PTAFR: variants seen among roughly 807,000 people sequenced by gnomAD.
The protein encoded by PTAFR is platelet-activating factor receptor.
Under a neutral mutation model 14.7 loss-of-function variants are expected in PTAFR, and 8 were observed. That is an observed-to-expected ratio of 0.54 (90% CI 0.32 to 0.98). The LOEUF is 0.98. PTAFR is among the 50% of genes least tolerant of loss of function. The probability of loss-of-function intolerance (pLI) is 0.04; values close to 1 mark genes in which losing one functional copy is unlikely to be tolerated. For synonymous variants in PTAFR, 156 were observed against 176.5 expected, an observed-to-expected ratio of 0.88 and a Z score of 0.92; for missense variants, 337 against 451.2, an observed-to-expected ratio of 0.75 and a Z score of 2.29.
intron 1 of PTAFR, among the ~76,000 whole-genome samples, chr1:28,161,492 G>A (rs1646322827): frequency 6.6e-6 from 1 of 152,176 alleles, no homozygotes; most frequent in South Asian, 2.1e-4. Context: ...TGAAGATAGG[G>A]TAGATGGCTT....
upstream of PTAFR, among the ~76,000 whole-genome samples, chr1:28,180,274 G>A (rs1416124045): frequency 6.6e-6 from 1 of 152,178 alleles, no homozygotes; most frequent in Non-Finnish European, 1.5e-5. Flanking sequence ...CAACTACCCG[G>A]GAGGCTGAGG....
intron 1 of PTAFR, among the ~76,000 whole-genome samples, chr1:28,168,266 C>A (rs1572039436): frequency 6.6e-6 from 1 of 151,868 alleles, no homozygotes; most frequent in Non-Finnish European, 1.5e-5. Context: ...CCACCGCGCC[C>A]GGCAGAAAAC....
chr1:28,177,666 A>T (rs1353680211), upstream of PTAFR, among the ~76,000 whole-genome samples: 1 of 151,910 alleles, frequency 6.6e-6, no homozygotes, highest in Non-Finnish European at 1.5e-5. Flanking sequence ...GAGGTCCTTT[A>T]ATCTATTCCT....
intron 1 of PTAFR, among the ~76,000 whole-genome samples, chr1:28,171,828 C>T (rs1184020078): frequency 1.3e-5 from 2 of 152,160 alleles, no homozygotes; most frequent in South Asian, 2.1e-4. Context: ...GCCTAGGAAA[C>T]CCCAAGTCTG....
chr1:28,166,410 G>A (rs1056140991), intron 1 of PTAFR, among the ~76,000 whole-genome samples: 8 of 152,126 alleles, frequency 5.3e-5, no homozygotes, highest in Non-Finnish European at 8.8e-5. Flanking sequence ...GGTGGTTCAC[G>A]CCTGTAATCC....
intron 1 of PTAFR, among the ~76,000 whole-genome samples, chr1:28,188,725 C>T (rs767978042): frequency 5.9e-5 from 9 of 151,420 alleles, no homozygotes; most frequent in Non-Finnish European, 1.2e-4. Flanking sequence ...AGTGAAACTC[C>T]ATCTAAAAAA....
At chr1:28,165,609 C>T (rs1289286884) in intron 1 of PTAFR, among the ~76,000 whole-genome samples, 1 of 151,470 alleles carries the variant, frequency 6.6e-6, no homozygotes, top group African/African-American at 2.4e-5. Flanking sequence ...CAGTGAAACC[C>T]CGTCTCTACT....
Position 28,150,009 on chromosome 1 carries a change from T to C in PTAFR, c.1013A>G (p.Asn338Ser), listed in dbSNP as rs5939. ...AAGCAGGGACTAATTTTTGAGGGAA[T>C]TGCCAGGGATCTGGTTGAATGGCAC... is the stretch of plus-strand genomic sequence containing the variant. ...VVVPFNQIPG[N>S]SLKN Residue 338 changes from asparagine to serine, a missense_variant, in exon 2 of 2, where the codon AAT becomes AGT. Physicochemically the swap from Asn to Ser is conservative, Grantham distance 46 (BLOSUM62 1). Transcript: ENST00000373857. The surrounding 1 kb of genome is among the most constrained non-coding windows in gnomAD (Gnocchi z 6.3). The C allele has an allele frequency of 4.3e-3, 7,000 of 1,612,284 alleles. 230 individuals are homozygous for C. In the African/African-American group the frequency reaches 0.074, roughly 17 times the overall value.
intron 1 of PTAFR, among the ~76,000 whole-genome samples, chr1:28,185,352 T>C (rs1646597545): frequency 6.6e-6 from 1 of 152,176 alleles, no homozygotes; most frequent in African/African-American, 2.4e-5. Flanking sequence ...AGGATCCAGA[T>C]ACACTAAACT....
intron 1 of PTAFR, among the ~76,000 whole-genome samples, chr1:28,175,172 A>T (rs916635288): frequency 1.3e-5 from 2 of 152,082 alleles, no homozygotes; most frequent in African/African-American, 4.8e-5. Context: ...TCGGCCTCCT[A>T]AAGTGCTGGG....
At position 28,151,031 on chromosome 1, in the gene PTAFR, C is replaced by A; in HGVS notation, c.-10G>T. Reference sequence around the variant, plus strand: ...AGTCATGTGGCTCCATTGCTGTGGGCTGGAATGATCAGCTGGTCCTGGTGG... The same window carrying A: ...AGTCATGTGGCTCCATTGCTGTGGGATGGAATGATCAGCTGGTCCTGGTGG... On this transcript the variant is annotated 5_prime_UTR_variant, in exon 2 of 2. Transcript: ENST00000373857. The A allele has an allele frequency of 6.4e-7, 1 of 1,557,848 alleles. No homozygotes were observed. The highest frequency in any genetic ancestry group is 1.9e-5 in the Admixed American group (1 of 52,660).
intron 1 of PTAFR, among the ~76,000 whole-genome samples, chr1:28,189,538 A>G (rs1646634055): frequency 1.3e-5 from 2 of 151,778 alleles, no homozygotes; most frequent in Admixed American, 1.3e-4. Context: ...GCTTGAACCC[A>G]GGAGGTGGAG....
upstream of PTAFR, among the ~76,000 whole-genome samples, chr1:28,179,093 A>G (rs1195115394): frequency 6.6e-6 from 1 of 152,160 alleles, no homozygotes; most frequent in Non-Finnish European, 1.5e-5. Context: ...ATATGAGGAC[A>G]TGGTCTGTAC....
Position 28,150,310 on chromosome 1 carries a change from A to G in PTAFR, c.712T>C (p.Leu238=). 6.2e-7 allele frequency: 1 copy of G among 1,613,712 alleles called. No individual in the cohort carries two copies. ...ACGAAGCAGATGATGAACACCGCCA[A>G]GACCGTGCACACCATCCACAGCGCC... ...RRALWMVCTV[L]AVFIICFVPH... The change falls in exon 2 of 2, where the codon TTG becomes CTG. Residue 238 remains leucine, a synonymous_variant. Transcript: ENST00000373857. The surrounding 1 kb of genome is among the most constrained non-coding windows in gnomAD (Gnocchi z 6.3).
chr1:28,188,548 G>C (rs906697645), intron 1 of PTAFR, among the ~76,000 whole-genome samples: 2 of 152,154 alleles, frequency 1.3e-5, no homozygotes, highest in African/African-American at 4.8e-5. Flanking sequence ...AGACCAGCAC[G>C]GCCAACGTGG....
intron 1 of PTAFR, among the ~76,000 whole-genome samples, chr1:28,185,698 AG>A (rs1646600667): frequency 7.3e-6 from 1 of 136,584 alleles, no homozygotes. Flanking sequence ...ATCAGACCAA[AG>A]GAAAAAAAGG....
chr1:28,160,829 G>A (rs764702787), intron 1 of PTAFR, among the ~76,000 whole-genome samples: 25 of 152,206 alleles, frequency 1.6e-4, no homozygotes, highest in Non-Finnish European at 2.2e-4. Flanking sequence ...ACCAGTACCC[G>A]TCATCCTGGC....
At chr1:28,177,583 A>C (rs901033255), upstream of PTAFR, among the ~76,000 whole-genome samples, 2 of 152,122 alleles carry the variant, frequency 1.3e-5, no homozygotes, top group South Asian at 4.1e-4. Context: ...CATGCGGTTG[A>C]TTTCTGGAGA....
chr1:28,161,071 A>G (rs1327489700), intron 1 of PTAFR, among the ~76,000 whole-genome samples: 1 of 151,952 alleles, frequency 6.6e-6, no homozygotes, highest in East Asian at 1.9e-4. Context: ...CTTCCTTGTC[A>G]TTGTCTGGAT....
Sources: gnomAD v4.1 joint callset for allele counts (sites outside exome capture counted in the v4.1 genomes callset) on GRCh38, gnomAD v4.1.1 for gene constraint, Gnocchi (gnomAD v3.1) non-coding constraint, MANE v1.5 for transcripts, NCBI Gene and HGNC (gene_info 2026-07-23, HGNC 2026-07-21) for gene names.